Variants in ZNF280C observed in about 807,000 individuals in gnomAD.
The protein encoded by ZNF280C is zinc finger protein 280C.
ZNF280C carries 14 observed loss-of-function variants against 53.6 expected under a neutral mutation model. The observed-to-expected ratio is 0.26, with a 90% confidence interval of 0.17 to 0.41. The LOEUF (loss-of-function observed/expected upper bound fraction) is 0.41. Ranked by LOEUF, ZNF280C falls within the 10% of genes least tolerant of loss-of-function variation. The probability of loss-of-function intolerance (pLI) is 1.00; values close to 1 mark genes in which losing one functional copy is unlikely to be tolerated. For missense variants in ZNF280C, 416 were observed against 547.1 expected (o/e 0.76, Z 2.39); for synonymous variants, 203 against 181.1 (o/e 1.12, Z -0.97).
chrX:130,242,007 G>GGGT (rs2032396866), intron 5 of ZNF280C, among the ~76,000 whole-genome samples: 1 of 92,659 alleles, frequency 1.1e-5, no homozygotes, highest in African/African-American at 4.2e-5. Context: ...AGCCGGGGGG[G>GGGT]GGCGGGTGGC....
In ZNF280C at chrX:130,205,371, G is replaced by C. The variant is rs757564028; in HGVS notation, c.2087C>G (p.Ser696Cys). 4 of 1,205,610 alleles carry C rather than the reference G, an allele frequency of 3.3e-6. No homozygotes were observed. The highest frequency in any genetic ancestry group is 4.5e-6 in the Non-Finnish European group (4 of 893,245). ...TTTAGCCATACGATCTAAGCCGGAA[G>C]AATCAGCTAGGAAATCACATTTAAG... ...VCLKCDFLAD[S>C]SGLDRMAKHL... The change falls in exon 17 of 19, where the codon TCT (serine) becomes TGT (cysteine). Residue 696 changes from serine (S) to cysteine (C), a missense_variant. By Grantham distance (112) the Ser-to-Cys change is moderately radical. This residue lies in a region of ZNF280C where 151 missense variants were observed against 176.9 expected (regional missense o/e 0.85). Transcript: ENST00000370978.
At chrX:130,249,316 T>C (rs1199502687) in intron 2 of ZNF280C, among the ~76,000 whole-genome samples, 2 of 111,582 alleles carry the variant, frequency 1.8e-5, no homozygotes, top group African/African-American at 6.5e-5. Context: ...AGCTGATGAG[T>C]GTGCACTCTG....
At position 130,226,915 on chromosome X, in the gene ZNF280C, T is replaced by C. The variant is rs1291725438; in HGVS notation, c.1249-10A>G. The C allele has an allele frequency of 8.4e-7, 1 of 1,184,846 alleles. No homozygotes were observed. Among genetic ancestry groups the C allele is most frequent in the Non-Finnish European group, 1.1e-6 (1 of 883,040 alleles). On this transcript the variant is annotated splice_polypyrimidine_tract_variant and intron_variant, in intron 11 of 18. Coordinates refer to ENST00000370978, the MANE Select transcript of ZNF280C (RefSeq NM_017666.5). ...ATCTAAACTGGCAAACCTAGAAATA[T>C]AAAGAAGGCTTAGTTTAACTTGATA... is the stretch of plus-strand genomic sequence containing the variant.
intron 3 of ZNF280C, among the ~76,000 whole-genome samples, chrX:130,244,795 A>G (rs940013515): frequency 4.6e-4 from 42 of 92,070 alleles, no homozygotes; most frequent in African/African-American, 1.9e-3. Flanking sequence ...AAAAAAAAAA[A>G]AAAAAGAGAG....
At chrX:130,253,421 A>G (rs940294824) in intron 2 of ZNF280C, among the ~76,000 whole-genome samples, 3 of 112,361 alleles carry the variant, frequency 2.7e-5, no homozygotes, top group Non-Finnish European at 3.8e-5. Context: ...CTATTTTCAA[A>G]TTCATATGGA....
At chrX:130,205,665 G>T (rs903378837) in intron 16 of ZNF280C, among the ~76,000 whole-genome samples, 5 of 109,920 alleles carry the variant, frequency 4.5e-5, no homozygotes, top group African/African-American at 1.7e-4. Flanking sequence ...GATCACCTGG[G>T]GTCAGGAGTT....
chrX:130,252,513 A>G (rs1603245556), intron 2 of ZNF280C, among the ~76,000 whole-genome samples: 1 of 111,292 alleles, frequency 9.0e-6, no homozygotes, highest in Admixed American at 9.6e-5. Flanking sequence ...CGAGGTCAAG[A>G]GATCAAGACC....
At chrX:130,236,363 T>A (rs772334982) in intron 7 of ZNF280C, 43 bp from the exon 8 acceptor site, 18 of 1,139,807 alleles carry the variant, frequency 1.6e-5, no homozygotes, top group South Asian at 1.4e-4. Context: ...TCCATCTTTT[T>A]AAAACCTTAA....
At chrX:130,261,479 T>G (rs1024443555) in intron 1 of ZNF280C, among the ~76,000 whole-genome samples, 2 of 112,401 alleles carry the variant, frequency 1.8e-5, no homozygotes, top group Non-Finnish European at 3.8e-5. Context: ...TCCAAATTAT[T>G]TGGACGGAAT....
intron 5 of ZNF280C, among the ~76,000 whole-genome samples, chrX:130,241,889 C>T (rs767801075): frequency 9.1e-6 from 1 of 110,216 alleles, no homozygotes; most frequent in Admixed American, 9.8e-5. Flanking sequence ...TTGAGTGAAT[C>T]ATTTATCCTC....
chrX:130,251,245 G>A (rs2032503784), intron 2 of ZNF280C, among the ~76,000 whole-genome samples: 1 of 80,050 alleles, frequency 1.2e-5, no homozygotes, highest in Non-Finnish European at 2.2e-5. Flanking sequence ...TGGCACCACT[G>A]TATTTTAGTC....
At chrX:130,240,856 T>C (rs1381477029) in intron 5 of ZNF280C, among the ~76,000 whole-genome samples, 1 of 112,368 alleles carries the variant, frequency 8.9e-6, no homozygotes. Flanking sequence ...GGCAAGCCAC[T>C]TCTGAGCTTC....
chrX:130,204,512 T>C lies in ZNF280C; in HGVS notation c.*465A>G, dbSNP rs139525679. On this transcript the variant is annotated 3_prime_UTR_variant, in exon 19 of 19. Coordinates refer to ENST00000370978, the MANE Select transcript of ZNF280C (RefSeq NM_017666.5). Reference sequence around the variant, plus strand: ...AAGGGGACACTGTCCAGGAGTACCCTGGATATTTTTTGAAACTTATGTGTT... The same window carrying C: ...AAGGGGACACTGTCCAGGAGTACCCCGGATATTTTTTGAAACTTATGTGTT... 6.4e-3 allele frequency: 740 copies of C among 114,750 alleles called. 9 individuals are homozygous for C. The highest frequency in any genetic ancestry group is 0.022 in the African/African-American group (686 of 30,985). 9.5% of individuals were successfully genotyped at this position (114,750 alleles called of 1,213,427 possible). A position where few individuals can be genotyped will look rare whatever the true frequency, so the allele number is the denominator to read the frequency against.
At chrX:130,214,090 G>A (rs2032073435) in intron 15 of ZNF280C, among the ~76,000 whole-genome samples, 1 of 111,756 alleles carries the variant, frequency 8.9e-6, no homozygotes, top group Non-Finnish European at 1.9e-5. Context: ...ATGAGCCATT[G>A]TGCCTGGCTA....
chrX:130,217,742 T>C (rs2032119311), intron 13 of ZNF280C, among the ~76,000 whole-genome samples: 1 of 113,104 alleles, frequency 8.8e-6, no homozygotes, highest in Non-Finnish European at 1.9e-5. Context: ...AAATTTATCT[T>C]GATATTTACT....
intron 16 of ZNF280C, among the ~76,000 whole-genome samples, chrX:130,207,807 T>C (rs753218974): frequency 8.9e-6 from 1 of 112,353 alleles, no homozygotes; most frequent in South Asian, 3.7e-4. Context: ...TTCTTCCAAC[T>C]AGAATGCCCT....
Position 130,215,887 on chromosome X carries a change from C to T in ZNF280C, c.1742G>A (p.Arg581Lys). The stretch of plus-strand genomic sequence containing the variant: ...TGCTTTGGACTTAGCTATACGTCCC[C>T]TTGGCTTACTTGTATTAACTTTACT... Reference protein sequence around the residue: ...TASKVNTSKPRGRIAKSKAKP... With the variant: ...TASKVNTSKPKGRIAKSKAKP... Residue 581 changes from arginine to lysine, a missense_variant, in exon 14 of 19, where the codon AGG becomes AAG. By Grantham distance (26) the Arg-to-Lys change is conservative. Transcript: ENST00000370978. 2 of 1,211,192 alleles carry T rather than the reference C, an allele frequency of 1.7e-6. No homozygotes were observed. Among genetic ancestry groups the T allele is most frequent in the Non-Finnish European group, 2.2e-6 (2 of 895,099 alleles).
rs775433129 is a variant in ZNF280C at position 130,268,337 on chromosome X, C to A, written c.-17+425G>T. Among the ~76,000 whole-genome samples the A allele has an allele frequency of 4.5e-5, 5 of 111,403 alleles. No homozygotes were observed. In the Admixed American group the frequency reaches 4.7e-4, roughly 11 times the overall value. On this transcript the variant is annotated intron_variant, in intron 1 of 18. Transcript: ENST00000370978. ...TTCGGAATCCCCTCAAGTCTCTTTTCGTTTGATTGAAGAGACTTGAGGGTG... is the reference window on the plus strand; with the variant it reads ...TTCGGAATCCCCTCAAGTCTCTTTTAGTTTGATTGAAGAGACTTGAGGGTG...
intron 2 of ZNF280C, among the ~76,000 whole-genome samples, chrX:130,256,620 C>T (rs771877961): frequency 2.2e-4 from 24 of 109,858 alleles, no homozygotes; most frequent in East Asian, 5.7e-4. Context: ...TGGGGGGGCG[C>T]GGTAGCTCAC....
Sources: gnomAD v4.1 joint callset for allele counts (sites outside exome capture counted in the v4.1 genomes callset) on GRCh38, gnomAD v4.1.1 for gene constraint, gnomAD v4.1.1 regional missense constraint, MANE v1.5 for transcripts, NCBI Gene and HGNC (gene_info 2026-07-23, HGNC 2026-07-21) for gene names.